Variants in OTUD7A observed in about 807,000 individuals in gnomAD.
The protein encoded by OTUD7A is OTU deubiquitinase 7A.
Under a neutral mutation model 65.7 loss-of-function variants are expected in OTUD7A, and 12 were observed. The ratio of observed to expected loss-of-function variants is 0.18; its 90% CI spans 0.12 to 0.30. The LOEUF is 0.30. Among genes scored for constraint, OTUD7A ranks in the 10% least tolerant of loss-of-function variants. The pLI, the probability that OTUD7A is intolerant of heterozygous loss-of-function variation, is 1.00. For missense variants in OTUD7A, 1,148 were observed against 1,304.8 expected, an observed-to-expected ratio of 0.88 and a Z score of 1.85; for synonymous variants, 641 against 586.3, an observed-to-expected ratio of 1.09 and a Z score of -1.35.
intron 3 of OTUD7A, among the ~76,000 whole-genome samples, chr15:31,634,379 T>G (rs1445458291): frequency 6.6e-6 from 1 of 152,136 alleles, no homozygotes; most frequent in Non-Finnish European, 1.5e-5. Context: ...TCGCGTTGGG[T>G]GTCTCCTCTT....
chr15:31,859,718 A>G lies in OTUD7A; in HGVS notation c.-100+10789T>C, dbSNP rs117412478. Among the ~76,000 whole-genome samples, 86 of 152,344 alleles carry G rather than the reference A, an allele frequency of 5.6e-4. 2 individuals carry two copies. The East Asian group carries it at 0.015, about 27-fold the overall frequency. On this transcript the variant is annotated intron_variant, in intron 1 of 12. Coordinates refer to ENST00000307050, the MANE Select transcript of OTUD7A (RefSeq NM_001382637.1). ...AATAGGGGCTTTTATAAAAGTCCCA[A>G]TGGGTTCCAAGGTTGCGGCTTGGTT...
intron 3 of OTUD7A, among the ~76,000 whole-genome samples, chr15:31,608,271 G>A (rs1483810330): frequency 6.6e-6 from 1 of 151,992 alleles, no homozygotes; most frequent in Admixed American, 6.6e-5. Context: ...TTTTGGCAGG[G>A]AATTGAATTG....
At chr15:31,745,533 T>C (rs770217819) in intron 1 of OTUD7A, among the ~76,000 whole-genome samples, 1 of 152,138 alleles carries the variant, frequency 6.6e-6, no homozygotes, top group Non-Finnish European at 1.5e-5. Context: ...CAAACAAAGA[T>C]TAATTCAAGA....
rs940658533 is a variant in OTUD7A, at chr15:31,478,506, A to C, written c.*4788T>G. 1.3e-5 allele frequency: 2 copies of C among 152,232 alleles called. No individual in the cohort carries two copies. Among genetic ancestry groups the C allele is most frequent in the African/African-American group, 4.8e-5 (2 of 41,452 alleles). 9.4% of individuals were successfully genotyped at this position (152,232 alleles called of 1,614,324 possible). A position where few individuals can be genotyped will look rare whatever the true frequency, so the allele number is the denominator to read the frequency against. ...TTCAACAAATCATTTGGCAAAATAA[A>C]TAGAAACAGTAACATTACTAGCATG... On this transcript the variant is annotated 3_prime_UTR_variant, in exon 13 of 13. Coordinates refer to ENST00000307050, the MANE Select transcript of OTUD7A (RefSeq NM_001382637.1).
At chr15:31,545,466 G>A (rs919966782) in intron 5 of OTUD7A, among the ~76,000 whole-genome samples, 1 of 152,016 alleles carries the variant, frequency 6.6e-6, no homozygotes, top group Admixed American at 6.6e-5. Context: ...CAGTCAGTGA[G>A]TGAAAAGGGA....
At chr15:31,765,134 AAT>A (rs1361568692) in intron 1 of OTUD7A, among the ~76,000 whole-genome samples, 1 of 152,224 alleles carries the variant, frequency 6.6e-6, no homozygotes, top group East Asian at 1.9e-4. Context: ...TAGAATTCAA[AAT>A]ATATATATTG....
chr15:31,627,106 T>C (rs1027964418), intron 3 of OTUD7A, among the ~76,000 whole-genome samples: 9 of 152,032 alleles, frequency 5.9e-5, no homozygotes, highest in Non-Finnish European at 1.5e-5. Context: ...ATTATTATTA[T>C]ACTTTTAAGT....
Position 31,480,489 on chromosome 15 carries a change from C to T in OTUD7A, c.*2805G>A, listed in dbSNP as rs201129036. ...CAGCTAGGGCAGCAGGGCCATGCAC[C>T]CCGGTAGGACTCACCTTCTTCCCTT... On this transcript the variant is annotated 3_prime_UTR_variant, in exon 13 of 13. Transcript: ENST00000307050. 3 of 152,276 alleles carry T rather than the reference C, an allele frequency of 2.0e-5. No individual in the cohort carries two copies. The East Asian group carries it at 5.8e-4, about 29-fold the overall frequency. The allele number at this position is 152,276 out of a possible 1,614,324, so 9.4% of individuals were successfully genotyped here.
intron 1 of OTUD7A, among the ~76,000 whole-genome samples, chr15:31,727,820 T>A (rs1424885754): frequency 2.0e-5 from 3 of 152,206 alleles, no homozygotes; most frequent in Admixed American, 6.5e-5. Flanking sequence ...TCCTGTTTCA[T>A]CTGAGTACTT....
chr15:31,611,591 C>G (rs1053128703), intron 3 of OTUD7A, among the ~76,000 whole-genome samples: 1 of 152,042 alleles, frequency 6.6e-6, no homozygotes, highest in East Asian at 1.9e-4. Context: ...AAATACAACC[C>G]TCAGCTTAAA....
At chr15:31,842,373 A>G (rs1480600585) in intron 1 of OTUD7A, among the ~76,000 whole-genome samples, 3 of 152,240 alleles carry the variant, frequency 2.0e-5, no homozygotes, top group African/African-American at 7.2e-5. Flanking sequence ...TGCCATAAAA[A>G]GTGGTGCAGC....
intron 3 of OTUD7A, among the ~76,000 whole-genome samples, chr15:31,637,224 T>G (rs1242980220): frequency 5.3e-5 from 8 of 152,244 alleles, no homozygotes; most frequent in Non-Finnish European, 1.5e-5. Flanking sequence ...GACTTTAAGT[T>G]GAAACCAATG....
In OTUD7A at chr15:31,481,388, G is replaced by A. The variant is rs971926929; in HGVS notation, c.*1906C>T. 2 of 152,174 alleles carry A rather than the reference G, an allele frequency of 1.3e-5. No homozygotes were observed. Among genetic ancestry groups the A allele is most frequent in the Non-Finnish European group, 2.9e-5 (2 of 68,034 alleles). The allele number at this position is 152,174 out of a possible 1,614,324, so 9.4% of individuals were successfully genotyped here. A position where few individuals can be genotyped will look rare whatever the true frequency, so the allele number is the denominator to read the frequency against. ...CCAAAGCAGCTGCTCAGCGTGACAC[G>A]AAGAATCAGTCCAGAAAGCTGCCAC... On this transcript the variant is annotated 3_prime_UTR_variant, in exon 13 of 13. Transcript: ENST00000307050.
intron 5 of OTUD7A, among the ~76,000 whole-genome samples, chr15:31,537,696 C>T (rs988007333): frequency 1.3e-5 from 2 of 152,190 alleles, no homozygotes; most frequent in African/African-American, 4.8e-5. Context: ...AGGATCTTTG[C>T]TTACAAAGGC....
intron 3 of OTUD7A, among the ~76,000 whole-genome samples, chr15:31,639,022 T>C (rs1455558351): frequency 6.6e-6 from 1 of 152,012 alleles, no homozygotes; most frequent in African/African-American, 2.4e-5. Context: ...TAGTCGCAGC[T>C]ACTCGGGAGG....
intron 8 of OTUD7A, among the ~76,000 whole-genome samples, chr15:31,508,206 G>A (rs1259993721): frequency 6.6e-6 from 1 of 152,194 alleles, no homozygotes. Context: ...CTTGATTTTA[G>A]TATAGTAACC....
intron 1 of OTUD7A, among the ~76,000 whole-genome samples, chr15:31,793,938 T>C (rs998366773): frequency 6.6e-6 from 1 of 152,250 alleles, no homozygotes; most frequent in African/African-American, 2.4e-5. Flanking sequence ...AGGAAGCCTA[T>C]GTTGATCAGA....
At chr15:31,557,937 C>T (rs1270499780) in intron 5 of OTUD7A, 1 of 152,158 alleles carries the variant, frequency 6.6e-6, no homozygotes, top group Non-Finnish European at 1.5e-5. Context: ...GGGGACGTCT[C>T]CACGGACCAA....
intron 1 of OTUD7A, among the ~76,000 whole-genome samples, chr15:31,797,867 T>C (rs1253039880): frequency 1.3e-5 from 2 of 152,118 alleles, no homozygotes; most frequent in African/African-American, 4.8e-5. Context: ...CCACAAAAAA[T>C]GCCCAAAAAC....
Sources: allele counts gnomAD v4.1 joint callset (sites outside exome capture counted in the v4.1 genomes callset), GRCh38; gene constraint gnomAD v4.1.1; transcripts MANE v1.5; gene names NCBI Gene and HGNC (gene_info 2026-07-23, HGNC 2026-07-21).